Variants in PGAP2 observed in about 807,000 individuals in gnomAD.
The protein encoded by PGAP2 is post-GPI attachment to proteins 2, also known as acyltransferase PGAP2.
PGAP2 carries 21 observed loss-of-function variants against 33.2 expected under a neutral mutation model. That is an observed-to-expected ratio of 0.63 (90% CI 0.45 to 0.91). PGAP2 has a LOEUF of 0.91. Ranked by LOEUF, PGAP2 falls within the 40% of genes least tolerant of loss-of-function variation. The probability of loss-of-function intolerance (pLI) is 0.00; values close to 1 mark genes in which losing one functional copy is unlikely to be tolerated. For missense variants in PGAP2, 345 were observed against 424.0 expected (o/e 0.81, Z 1.64); for synonymous variants, 161 against 172.9 (o/e 0.93, Z 0.54).
Position 3,825,721 on chromosome 11 carries a change from G to T in PGAP2, c.*263G>T. On this transcript the variant is annotated 3_prime_UTR_variant, in exon 7 of 7. Coordinates refer to ENST00000278243, the MANE Select transcript of PGAP2 (RefSeq NM_014489.4). ...CTGGCAGAGAGCTCCACCATTTGGT[G>T]CTAAAAAAAAAAACGTCCTGAGGTT... 1 of 233,746 alleles carries T rather than the reference G, an allele frequency of 4.3e-6. No homozygotes were observed. The highest frequency in any genetic ancestry group is 8.0e-6 in the Non-Finnish European group (1 of 125,464). 14.5% of individuals were successfully genotyped at this position (233,746 alleles called of 1,614,324 possible).
At chr11:3,809,336 CT>C (rs2085078004) in intron 1 of PGAP2, among the ~76,000 whole-genome samples, 2 of 152,302 alleles carry the variant, frequency 1.3e-5, no homozygotes, top group South Asian at 4.1e-4. Flanking sequence ...TTGGAAGGAC[CT>C]TAGAGGTAAT....
chr11:3,819,676 G>C (rs368728922), intron 3 of PGAP2, among the ~76,000 whole-genome samples: 1 of 152,212 alleles, frequency 6.6e-6, no homozygotes, highest in African/African-American at 2.4e-5. Context: ...CCGTCTCTCA[G>C]TACTCTTAGC....
intron 2 of PGAP2, among the ~76,000 whole-genome samples, chr11:3,814,165 G>A (rs1055668202): frequency 5.3e-5 from 8 of 152,326 alleles, no homozygotes; most frequent in East Asian, 3.9e-4. Flanking sequence ...GCCTCTGCTC[G>A]CATATCCCCA....
upstream of PGAP2, among the ~76,000 whole-genome samples, chr11:3,803,782 G>T (rs2083861376): frequency 8.0e-6 from 1 of 125,420 alleles, no homozygotes; most frequent in Non-Finnish European, 1.7e-5. Context: ...CGAATTTACT[G>T]CTATATATAT....
chr11:3,822,894 T>C (rs1312995948), intron 3 of PGAP2: 1 of 1,417,856 alleles, frequency 7.1e-7, no homozygotes. Context: ...TATTATCTTC[T>C]CCTTTTTCCT....
chr11:3,824,560 A>G (rs1275187803), intron 5 of PGAP2, 184 bp downstream of exon 5: 5 of 880,020 alleles, frequency 5.7e-6, no homozygotes, highest in Non-Finnish European at 8.8e-6. Context: ...ATCTAGGACT[A>G]TAGCACTGTG....
rs1317348031 is a variant in PGAP2, at chr11:3,814,804, CTTTCTTTCTCTT to C, written c.166-2547_166-2536del. Among the ~76,000 whole-genome samples, 845 of 123,314 alleles carry C rather than the reference CTTTCTTTCTCTT, an allele frequency of 6.9e-3. 4 individuals carry two copies. Among genetic ancestry groups the C allele is most frequent in the Non-Finnish European group, 9.5e-3 (543 of 57,052 alleles). The allele number at this position is 123,314 out of a possible 152,430, so 80.9% of individuals were successfully genotyped here. Reference sequence around the variant, plus strand: ...TCTTTCTTTCTTTCTTTCTTTCTTTCTTTCTTTCTCTTTCTTTCTTTTTTTCTTTTTTTCCTT... The same window carrying C: ...TCTTTCTTTCTTTCTTTCTTTCTTTCTCTTTCTTTTTTTCTTTTTTTCCTT... On this transcript the variant is annotated intron_variant, in intron 2 of 6. Transcript: ENST00000278243.
intron 3 of PGAP2, chr11:3,823,596 A>G: frequency 2.0e-6 from 3 of 1,535,944 alleles, no homozygotes; most frequent in Non-Finnish European, 2.6e-6. Context: ...ACCCATCTAC[A>G]CATTGACCAA....
At chr11:3,810,635 C>G (rs1016278621) in intron 1 of PGAP2, among the ~76,000 whole-genome samples, 1 of 152,190 alleles carries the variant, frequency 6.6e-6, no homozygotes, top group Non-Finnish European at 1.5e-5. Context: ...TTCTGCAAAG[C>G]CTTTCACCCT....
At chr11:3,802,938 T>C (rs1466131425) in intron 1 of PGAP2, among the ~76,000 whole-genome samples, 1 of 150,578 alleles carries the variant, frequency 6.6e-6, no homozygotes, top group Non-Finnish European at 1.5e-5. Flanking sequence ...GCCATTCTCC[T>C]GCCTCAGCCT....
chr11:3,823,603 C>A, intron 3 of PGAP2: 1 of 1,536,008 alleles, frequency 6.5e-7, no homozygotes, highest in Non-Finnish European at 8.7e-7. Context: ...TACACATTGA[C>A]CAAACACAGG....
At chr11:3,797,909 C>T in exon 1 of PGAP2, 1 of 1,548,448 alleles carries the variant, frequency 6.5e-7, no homozygotes, top group Non-Finnish European at 8.7e-7. Context: ...GAGACTCCGC[C>T]CCCTTCCTTG....
upstream of PGAP2, among the ~76,000 whole-genome samples, chr11:3,807,230 C>T (rs111809090): frequency 0.026 from 3,890 of 147,282 alleles, 185 homozygotes; most frequent in African/African-American, 0.091. Context: ...TCCAGCTACT[C>T]GGGAGGCTGA....
chr11:3,820,007 C>T (rs981794454), intron 3 of PGAP2, among the ~76,000 whole-genome samples: 1 of 152,174 alleles, frequency 6.6e-6, no homozygotes, highest in Non-Finnish European at 1.5e-5. Context: ...TGTATCATTT[C>T]TCCCCAGTAC....
chr11:3,822,403 GC>G (rs1431162207), intron 3 of PGAP2, among the ~76,000 whole-genome samples: 4 of 151,974 alleles, frequency 2.6e-5, no homozygotes, highest in African/African-American at 9.7e-5. Flanking sequence ...AAGCGAGGTG[GC>G]TCATGCCTGT....
In PGAP2 at chr11:3,826,039, G is replaced by C. The variant is rs958762431; in HGVS notation, c.*581G>C. 1.3e-5 allele frequency: 2 copies of C among 153,172 alleles called. No homozygotes were observed. The highest frequency in any genetic ancestry group is 2.9e-5 in the Non-Finnish European group (2 of 68,732). 9.5% of individuals were successfully genotyped at this position (153,172 alleles called of 1,614,324 possible). On this transcript the variant is annotated 3_prime_UTR_variant, in exon 7 of 7. Coordinates refer to ENST00000278243, the MANE Select transcript of PGAP2 (RefSeq NM_014489.4). ...TGTGTCCATGTGTCTGGCGGGGGAT[G>C]GGTGGACTGTATGATTTCCAAGGAC...
In PGAP2 at chr11:3,817,454, T is replaced by C; in HGVS notation, c.267T>C (p.Thr89=). 2 of 1,614,118 alleles carry C rather than the reference T, an allele frequency of 1.2e-6. No homozygotes were observed. The highest frequency in any genetic ancestry group is 1.7e-6 in the Non-Finnish European group (2 of 1,179,968). Residue 89 remains threonine, a synonymous_variant, in exon 3 of 7, where the codon ACT becomes ACC. Transcript: ENST00000278243. The part of the protein sequence containing the change: ...RFTAMVWWAI[T]FPVFGFFFCI... ...CAGCCATGGTCTGGTGGGCCATCAC[T>C]TTTCCTGTGTTCGGCTTCTTCTTCT...
chr11:3,815,135 C>T (rs186395008), intron 2 of PGAP2, among the ~76,000 whole-genome samples: 1 of 151,828 alleles, frequency 6.6e-6, no homozygotes, highest in African/African-American at 2.4e-5. Context: ...GATGGGGTTT[C>T]ACTATGCTGG....
rs78841996 is a variant in PGAP2 at position 3,817,339 on chromosome 11, C to T, written c.166-14C>T. On this transcript the variant is annotated splice_polypyrimidine_tract_variant and intron_variant, in intron 2 of 6. Coordinates refer to ENST00000278243, the MANE Select transcript of PGAP2 (RefSeq NM_014489.4). ...TCCTACCAGGCCCCAAGTTGTATCC[C>T]TCGTGCTGCTTAGGCCACGCCCTGC... The T allele has an allele frequency of 9.4e-6, 15 of 1,603,546 alleles. No homozygotes were observed. In the African/African-American group the frequency reaches 1.5e-4, roughly 16 times the overall value.
Sources: gnomAD v4.1 joint callset for allele counts (sites outside exome capture counted in the v4.1 genomes callset) on GRCh38, gnomAD v4.1.1 for gene constraint, MANE v1.5 for transcripts, NCBI Gene and HGNC (gene_info 2026-07-23, HGNC 2026-07-21) for gene names.